Variants in PARM1 observed in about 807,000 individuals in gnomAD.
PARM1 encodes the protein prostate androgen-regulated mucin-like protein 1.
A neutral mutation model predicts 24.6 loss-of-function variants in PARM1; 14 were observed. The observed-to-expected ratio is 0.57, with a 90% CI of 0.38 to 0.89. The LOEUF (loss-of-function observed/expected upper bound fraction) is 0.89, where lower values mean the gene tolerates loss of function less well. Ranked by LOEUF, PARM1 falls within the 40% of genes least tolerant of loss-of-function variation. The pLI is 0.00. For synonymous variants in PARM1, 179 were observed against 156.6 expected (o/e 1.14, Z -1.07); for missense variants, 362 against 380.4 (o/e 0.95, Z 0.40).
At chr4:75,001,448 C>G (rs112752736) in intron 1 of PARM1, among the ~76,000 whole-genome samples, 3 of 152,256 alleles carry the variant, frequency 2.0e-5, no homozygotes, top group African/African-American at 7.2e-5. Flanking sequence ...AATGTTCCAT[C>G]ACAATAAGCA....
At chr4:75,003,893 C>G (rs201298477) in intron 1 of PARM1, among the ~76,000 whole-genome samples, 1 of 152,172 alleles carries the variant, frequency 6.6e-6, no homozygotes, top group East Asian at 1.9e-4. Context: ...CTCTCTCTCT[C>G]TCTCTTAAAT....
intron 1 of PARM1, among the ~76,000 whole-genome samples, chr4:75,009,467 C>T (rs979909799): frequency 1.3e-5 from 2 of 152,156 alleles, no homozygotes; most frequent in Non-Finnish European, 2.9e-5. Flanking sequence ...TATTTGACAC[C>T]TTCAAGGAAA....
intron 2 of PARM1, among the ~76,000 whole-genome samples, chr4:75,022,702 G>A (rs1389839534): frequency 1.3e-5 from 2 of 152,176 alleles, no homozygotes; most frequent in South Asian, 2.1e-4. Flanking sequence ...TAATATGCCA[G>A]GATATGGATA....
At chr4:74,963,494 C>G (rs898164637) in intron 1 of PARM1, among the ~76,000 whole-genome samples, 2 of 152,086 alleles carry the variant, frequency 1.3e-5, no homozygotes, top group Non-Finnish European at 2.9e-5. Context: ...TAGTTCTGAT[C>G]CATGCTGTAA....
chr4:75,046,223 C>T lies in PARM1; in HGVS notation c.909C>T (p.Asn303=). 2 of 1,611,400 alleles carry T rather than the reference C, an allele frequency of 1.2e-6. No homozygotes were observed. The highest frequency in any genetic ancestry group is 2.2e-5 in the East Asian group (1 of 44,870). ...ACTACGGGTCCTGGGGAAACTACAA[C>T]AACCCTCTGTACGATGACTCCTAAC... ...DHDYGSWGNY[N]NPLYDDS is the part of the protein sequence containing the mutation. Residue 303 remains asparagine (N), a synonymous_variant, in exon 4 of 4, where the codon AAC becomes AAT. Coordinates refer to ENST00000307428, the MANE Select transcript of PARM1 (RefSeq NM_015393.4).
intron 1 of PARM1, among the ~76,000 whole-genome samples, chr4:74,949,592 G>A (rs1423955844): frequency 2.6e-5 from 4 of 152,322 alleles, no homozygotes; most frequent in East Asian, 1.9e-4. Context: ...GATTACAGGC[G>A]TGAGCCACTG....
At chr4:74,946,678 A>G (rs1248479898) in intron 1 of PARM1, among the ~76,000 whole-genome samples, 1 of 152,238 alleles carries the variant, frequency 6.6e-6, no homozygotes, top group African/African-American at 2.4e-5. Context: ...AAAGGACTCA[A>G]AACCACTTAA....
At chr4:74,964,862 A>G (rs1721866197) in intron 1 of PARM1, among the ~76,000 whole-genome samples, 1 of 152,200 alleles carries the variant, frequency 6.6e-6, no homozygotes, top group Non-Finnish European at 1.5e-5. Flanking sequence ...TAAATGGAAA[A>G]ATTACCTGTC....
At chr4:74,942,145 C>T (rs1468341497) in intron 1 of PARM1, among the ~76,000 whole-genome samples, 2 of 152,176 alleles carry the variant, frequency 1.3e-5, no homozygotes, top group African/African-American at 2.4e-5. Context: ...TATTTTACTT[C>T]ATTTGCTTTC....
intron 1 of PARM1, chr4:74,999,120 A>C (rs180833901): frequency 2.6e-5 from 4 of 152,392 alleles, no homozygotes; most frequent in African/African-American, 7.2e-5. Context: ...GCCTCAGTAC[A>C]TCCAGCCTGG....
intron 1 of PARM1, among the ~76,000 whole-genome samples, chr4:75,002,533 A>C (rs1351429056): frequency 1.3e-5 from 2 of 152,018 alleles, no homozygotes; most frequent in African/African-American, 2.4e-5. Context: ...CTCCCAGGCC[A>C]GTGTGTGTGA....
chr4:74,960,291 A>AT (rs1721741049), intron 1 of PARM1, among the ~76,000 whole-genome samples: 1 of 151,974 alleles, frequency 6.6e-6, no homozygotes, highest in African/African-American at 2.4e-5. Context: ...CTTTCATTTA[A>AT]TTTTTTCTTC....
chr4:74,958,850 A>G (rs1313220757), intron 1 of PARM1, among the ~76,000 whole-genome samples: 3 of 152,256 alleles, frequency 2.0e-5, no homozygotes, highest in Non-Finnish European at 2.9e-5. Context: ...GCCATGCTCA[A>G]TAAATGCCAA....
chr4:74,934,146 GA>G (rs1245725529), intron 1 of PARM1, among the ~76,000 whole-genome samples: 3 of 152,192 alleles, frequency 2.0e-5, no homozygotes, highest in Non-Finnish European at 4.4e-5. Flanking sequence ...GGATGGGGAA[GA>G]GGGGAGCCAG....
chr4:74,933,468 G>A (rs1721110769), intron 1 of PARM1, 98 bp downstream of exon 1: 4 of 1,031,980 alleles, frequency 3.9e-6, no homozygotes, highest in Middle Eastern at 2.0e-4. Context: ...GCAGTGAGTC[G>A]CCGCGCGCCT....
chr4:74,973,552 C>A (rs1254842399), intron 1 of PARM1, among the ~76,000 whole-genome samples: 1 of 146,636 alleles, frequency 6.8e-6, no homozygotes, highest in Non-Finnish European at 1.5e-5. Context: ...AGAGTCAGGT[C>A]TCCTCATCTG....
intron 1 of PARM1, among the ~76,000 whole-genome samples, chr4:74,945,728 C>A (rs1721399591): frequency 6.6e-6 from 1 of 152,168 alleles, no homozygotes; most frequent in East Asian, 1.9e-4. Context: ...CTAAGCTCTT[C>A]TAAAATGAAA....
intron 3 of PARM1, among the ~76,000 whole-genome samples, chr4:75,044,520 A>C (rs1723560628): frequency 6.6e-6 from 1 of 152,216 alleles, no homozygotes; most frequent in Non-Finnish European, 1.5e-5. Flanking sequence ...AGTTGGAGCT[A>C]AGAATAAACA....
intron 2 of PARM1, among the ~76,000 whole-genome samples, chr4:75,032,687 G>T (rs1180642937): frequency 6.6e-6 from 1 of 152,138 alleles, no homozygotes; most frequent in Non-Finnish European, 1.5e-5. Flanking sequence ...GTCTCAGCAG[G>T]TAAGTAGTAT....
Sources: allele counts gnomAD v4.1 joint callset (sites outside exome capture counted in the v4.1 genomes callset), GRCh38; gene constraint gnomAD v4.1.1; transcripts MANE v1.5; gene names NCBI Gene and HGNC (gene_info 2026-07-23, HGNC 2026-07-21).